NEDD8: variants seen among roughly 807,000 people sequenced by gnomAD.
NEDD8 encodes the protein ubiquitin-like protein NEDD8.
Under a neutral mutation model 13.8 loss-of-function variants are expected in NEDD8, and 1 was observed. That is an observed-to-expected ratio of 0.07 (90% CI 0.03 to 0.34). NEDD8 has a LOEUF of 0.34. Among genes scored for constraint, NEDD8 ranks in the 10% least tolerant of loss-of-function variants. The pLI is 0.99. For synonymous variants in NEDD8, 31 were observed against 33.2 expected (o/e 0.93, Z 0.23); for missense variants, 10 against 95.2 (o/e 0.10, Z 3.73).
At position 24,217,304 on chromosome 14, in the gene NEDD8, G is replaced by T. The variant is rs1594480182; in HGVS notation, c.150-81C>A. 4.0e-6 allele frequency: 4 copies of T among 1,002,770 alleles called. No individual in the cohort carries two copies. The South Asian group carries it at 4.5e-5, about 11-fold the overall frequency. 62.1% of individuals were successfully genotyped at this position (1,002,770 alleles called of 1,614,324 possible). A position where few individuals can be genotyped will look rare whatever the true frequency, so the allele number is the denominator to read the frequency against. On this transcript the variant is annotated intron_variant, in intron 3 of 3. Coordinates refer to ENST00000250495, the MANE Select transcript of NEDD8 (RefSeq NM_006156.3). The stretch of plus-strand genomic sequence containing the variant: ...TGTTGTTGTTGTTGTTGTTGTTGTT[G>T]TTTTTGACAGAGTCTCGCTCTGTCA...
rs563594975 is a variant in NEDD8, at chr14:24,221,846, T to C, written c.19-3415A>G. On this transcript the variant is annotated intron_variant, in intron 1 of 3. Transcript: ENST00000250495. ...CCCGACCTCAGGTGATCTGCCTGCCTCGGCCTCCCAAAGTGCTGGGATTAT... is the reference window on the plus strand; with the variant it reads ...CCCGACCTCAGGTGATCTGCCTGCCCCGGCCTCCCAAAGTGCTGGGATTAT... Among the ~76,000 whole-genome samples, 34 of 152,298 alleles carry C rather than the reference T, an allele frequency of 2.2e-4. No homozygotes were observed. In the South Asian group the frequency reaches 4.6e-3, roughly 20 times the overall value.
intron 1 of NEDD8, among the ~76,000 whole-genome samples, chr14:24,225,715 C>CAAT (rs2039880360): frequency 6.6e-6 from 1 of 152,166 alleles, no homozygotes; most frequent in African/African-American, 2.4e-5. Flanking sequence ...TGTAACCTGA[C>CAAT]AATACATTCA....
intron 1 of NEDD8, among the ~76,000 whole-genome samples, chr14:24,224,022 G>A (rs1391005608): frequency 2.0e-5 from 3 of 152,098 alleles, no homozygotes; most frequent in African/African-American, 7.2e-5. Flanking sequence ...CCACCTCCCG[G>A]GTTCACGCCA....
At chr14:24,232,019 G>T in intron 1 of NEDD8, 1 of 599,622 alleles carries the variant, frequency 1.7e-6, no homozygotes, top group Non-Finnish European at 2.9e-6. Flanking sequence ...CACAGTCCTG[G>T]CAAAAAAGCA....
At chr14:24,217,837 AC>A (rs2039735799) in intron 3 of NEDD8, 2 of 299,144 alleles carry the variant, frequency 6.7e-6, no homozygotes, top group Non-Finnish European at 1.2e-5. Context: ...GTCATATTAG[AC>A]CTACCATTAG....
At chr14:24,218,803 A>G in intron 1 of NEDD8, 1 of 272,870 alleles carries the variant, frequency 3.7e-6, no homozygotes, top group Non-Finnish European at 7.1e-6. Context: ...CTGGAGTGCA[A>G]TGGCACAATC....
At chr14:24,230,345 TAACATGGTGA>T (rs1052630252) in intron 1 of NEDD8, among the ~76,000 whole-genome samples, 4 of 146,854 alleles carry the variant, frequency 2.7e-5, no homozygotes, top group African/African-American at 1.0e-4. Flanking sequence ...CCATCCTGGC[TAACATGGTGA>T]AACCCTGTCT....
intron 1 of NEDD8, chr14:24,226,544 T>G (rs752325170): frequency 1.3e-5 from 2 of 152,056 alleles, no homozygotes; most frequent in Non-Finnish European, 2.9e-5. Flanking sequence ...AATGACTAAG[T>G]GCTATGGTGA....
Position 24,218,541 on chromosome 14 carries a change from T to C in NEDD8, c.19-110A>G, listed in dbSNP as rs1245489644. The C allele has an allele frequency of 2.8e-6, 4 of 1,452,854 alleles. No homozygotes were observed. The African/African-American group carries it at 4.2e-5, about 15-fold the overall frequency. 90.0% of individuals were successfully genotyped at this position (1,452,854 alleles called of 1,614,324 possible). The stretch of plus-strand genomic sequence containing the variant: ...GATCTACTGCCTTCTAAAAGATGCA[T>C]ATTCTCAGCAGCACTGCTTTGGAGA... On this transcript the variant is annotated intron_variant, in intron 1 of 3. Coordinates refer to ENST00000250495, the MANE Select transcript of NEDD8 (RefSeq NM_006156.3).
At chr14:24,232,109 AC>A in intron 1 of NEDD8, 140 bp downstream of exon 1, 1 of 1,365,074 alleles carries the variant, frequency 7.3e-7, no homozygotes. Context: ...CCTATTTCCC[AC>A]CACCCCTCGC....
rs746201045 is a variant in NEDD8 at position 24,217,013 on chromosome 14, A to C, written c.*114T>G. The stretch of plus-strand genomic sequence containing the variant: ...TCCTCACAGTCTCCCACCAGTAGAC[A>C]TACATTACTGGGCATCCAGGGGAGG... On this transcript the variant is annotated 3_prime_UTR_variant, in exon 4 of 4. Transcript: ENST00000250495. 1.2e-6 allele frequency: 1 copy of C among 815,636 alleles called. No homozygotes were observed. The highest frequency in any genetic ancestry group is 2.0e-6 in the Non-Finnish European group (1 of 508,952). The allele number at this position is 815,636 out of a possible 1,614,324, so 50.5% of individuals were successfully genotyped here. A position where few individuals can be genotyped will look rare whatever the true frequency, so the allele number is the denominator to read the frequency against.
Position 24,218,105 on chromosome 14 carries a change from C to T in NEDD8, c.149+28G>A, listed in dbSNP as rs2039740331. 2.5e-6 allele frequency: 4 copies of T among 1,613,754 alleles called. No homozygotes were observed. The Admixed American group carries it at 6.7e-5, about 27-fold the overall frequency. On this transcript the variant is annotated intron_variant, in intron 3 of 3. Transcript: ENST00000250495. ...TCTTCTCATCTTCACATAAGATCGC[C>T]ATGCTGTCATTCTCACTCCAAACTC...
chr14:24,225,002 T>C (rs2039866471), intron 1 of NEDD8, among the ~76,000 whole-genome samples: 2 of 151,418 alleles, frequency 1.3e-5, no homozygotes, highest in Admixed American at 6.6e-5. Flanking sequence ...CTATGAAAAA[T>C]ACAAAAATTA....
At chr14:24,224,934 G>A (rs558583881) in intron 1 of NEDD8, among the ~76,000 whole-genome samples, 4 of 152,250 alleles carry the variant, frequency 2.6e-5, no homozygotes, top group South Asian at 2.1e-4. Context: ...CGAGGTGGGC[G>A]GGTCGCTTGA....
At chr14:24,219,063 A>C (rs1363255736) in intron 1 of NEDD8, among the ~76,000 whole-genome samples, 1 of 152,174 alleles carries the variant, frequency 6.6e-6, no homozygotes, top group Non-Finnish European at 1.5e-5. Flanking sequence ...TATCTTAAAA[A>C]AAGTCAGAAG....
intron 1 of NEDD8, among the ~76,000 whole-genome samples, chr14:24,222,991 C>T (rs889140609): frequency 2.8e-5 from 4 of 144,604 alleles, no homozygotes; most frequent in Admixed American, 7.5e-5. Flanking sequence ...GAGGCTGAGG[C>T]AGGAGAATCG....
intron 1 of NEDD8, among the ~76,000 whole-genome samples, chr14:24,229,364 T>C (rs1191236793): frequency 6.6e-6 from 1 of 152,176 alleles, no homozygotes; most frequent in African/African-American, 2.4e-5. Flanking sequence ...GGACTACAGG[T>C]GTGTGCCACC....
intron 1 of NEDD8, among the ~76,000 whole-genome samples, chr14:24,224,933 C>T (rs1365646966): frequency 2.6e-5 from 4 of 152,046 alleles, no homozygotes; most frequent in African/African-American, 7.2e-5. Context: ...CCGAGGTGGG[C>T]GGGTCGCTTG....
intron 3 of NEDD8, 34 bp from the exon 4 acceptor site, chr14:24,217,257 A>G (rs1479982601): frequency 1.3e-6 from 2 of 1,553,530 alleles, no homozygotes; most frequent in Non-Finnish European, 1.8e-6. Flanking sequence ...AAAAAGAAAA[A>G]GAAGACTTAG....
Sources: gnomAD v4.1 joint callset for allele counts (sites outside exome capture counted in the v4.1 genomes callset) on GRCh38, gnomAD v4.1.1 for gene constraint, MANE v1.5 for transcripts, NCBI Gene and HGNC (gene_info 2026-07-23, HGNC 2026-07-21) for gene names.